The following SMAGP variants were observed in gnomAD, a reference collection of about 807,000 sequenced individuals.
SMAGP encodes the protein small cell transmembrane and glycosylated protein.
SMAGP carries 7 observed loss-of-function variants against 10.1 expected under a neutral mutation model. That is an observed-to-expected ratio of 0.70 (90% CI 0.40 to 1.31). SMAGP has a LOEUF of 1.31. Ranked by LOEUF, SMAGP falls within the 50% of genes most tolerant of loss-of-function variation. The probability of loss-of-function intolerance (pLI) is 0.01; values close to 1 mark genes in which losing one functional copy is unlikely to be tolerated. For missense variants in SMAGP, 113 were observed against 116.5 expected, an observed-to-expected ratio of 0.97 and a Z score of 0.14; for synonymous variants, 49 against 47.2, an observed-to-expected ratio of 1.04 and a Z score of -0.16.
intron 3 of SMAGP, chr12:51,246,399 G>A (rs1944770169): frequency 4.2e-6 from 2 of 473,096 alleles, no homozygotes; most frequent in Non-Finnish European, 7.5e-6. Flanking sequence ...GAAACGGGAA[G>A]GAGGGAACAG....
In SMAGP at chr12:51,245,380, A is replaced by G. The variant is rs1944753323; in HGVS notation, c.*561T>C. On this transcript the variant is annotated 3_prime_UTR_variant, in exon 4 of 4. Coordinates refer to ENST00000603798, the MANE Select transcript of SMAGP (RefSeq NM_001031628.2). ...TGTAGCAATGAAAATTTTTAATTTG[A>G]ATAAAAATCACGTAAGCATGAGGTT... 1 of 152,718 alleles carries G rather than the reference A, an allele frequency of 6.5e-6. No individual in the cohort carries two copies. Among genetic ancestry groups the G allele is most frequent in the South Asian group, 2.1e-4 (1 of 4,830 alleles). The allele number at this position is 152,718 out of a possible 1,614,324, so 9.5% of individuals were successfully genotyped here. A position where few individuals can be genotyped will look rare whatever the true frequency, so the allele number is the denominator to read the frequency against.
intron 2 of SMAGP, among the ~76,000 whole-genome samples, chr12:51,264,221 T>C (rs890019098): frequency 1.3e-5 from 2 of 152,304 alleles, no homozygotes; most frequent in African/African-American, 4.8e-5. Context: ...AAGTATAAGC[T>C]TTCTTCCTAT....
chr12:51,249,868 C>T (rs146577155), intron 2 of SMAGP, among the ~76,000 whole-genome samples: 4,991 of 151,890 alleles, frequency 0.033, 298 homozygotes, highest in African/African-American at 0.11. Flanking sequence ...CCACCTGCCT[C>T]GGCCTCCCAA....
At chr12:51,261,011 G>A (rs1460901215) in intron 2 of SMAGP, among the ~76,000 whole-genome samples, 1 of 149,940 alleles carries the variant, frequency 6.7e-6, no homozygotes, top group African/African-American at 2.5e-5. Flanking sequence ...GGCTGGTCTC[G>A]AACTCCTGAT....
chr12:51,248,866 A>G (rs1163639562), intron 2 of SMAGP, among the ~76,000 whole-genome samples: 1 of 148,552 alleles, frequency 6.7e-6, no homozygotes, highest in Non-Finnish European at 1.5e-5. Context: ...AGCCTGGGAA[A>G]CATGGCGAAA....
chr12:51,267,496 CTTTTTTT>C (rs5798165), intron 2 of SMAGP, among the ~76,000 whole-genome samples: 1 of 93,406 alleles, frequency 1.1e-5, no homozygotes, highest in African/African-American at 3.8e-5. Flanking sequence ...CCCCCTAACT[CTTTTTTT>C]TTTTTTTTAA....
At chr12:51,250,501 T>G (rs965954688) in intron 2 of SMAGP, among the ~76,000 whole-genome samples, 33 of 71,790 alleles carry the variant, frequency 4.6e-4, no homozygotes, top group African/African-American at 1.1e-3. Context: ...TGTTGTTGTG[T>G]TTTTTTTTTG....
intron 2 of SMAGP, among the ~76,000 whole-genome samples, chr12:51,262,323 T>A (rs979441217): frequency 1.3e-5 from 2 of 150,444 alleles, no homozygotes; most frequent in African/African-American, 4.9e-5. Flanking sequence ...CTACAAAAAA[T>A]ACAAAAATTA....
At position 51,246,604 on chromosome 12, in the gene SMAGP, CTGTGTGTGTGTGTGTGTGTG is replaced by C. The variant is rs59561227; in HGVS notation, c.115+127_115+146del. 648 of 338,210 alleles carry C rather than the reference CTGTGTGTGTGTGTGTGTGTG, an allele frequency of 1.9e-3. 2 individuals carry two copies. The highest frequency in any genetic ancestry group is 2.5e-3 in the Non-Finnish European group (493 of 193,614). The allele number at this position is 338,210 out of a possible 1,614,324, so 21.0% of individuals were successfully genotyped here. ...ACAGAAGCCTCCGAGTCTTTTATGG[CTGTGTGTGTGTGTGTGTGTG>C]TGTGTGTGTGTGTGTAATATAACTT... On this transcript the variant is annotated intron_variant, in intron 3 of 3. Coordinates refer to ENST00000603798, the MANE Select transcript of SMAGP (RefSeq NM_001031628.2).
At chr12:51,246,630 G>GTGTT (rs1375633773) in intron 3 of SMAGP, 121 bp downstream of exon 3, 26 of 609,284 alleles carry the variant, frequency 4.3e-5, no homozygotes, top group Non-Finnish European at 5.3e-5. Flanking sequence ...GTGTGTGTGT[G>GTGTT]TGTGTGTGTA....
chr12:51,264,930 G>A (rs530491961), intron 2 of SMAGP, among the ~76,000 whole-genome samples: 183 of 129,194 alleles, frequency 1.4e-3, no homozygotes, highest in African/African-American at 5.1e-3. Context: ...AGACTCCATC[G>A]CCAGAAAAAA....
intron 2 of SMAGP, among the ~76,000 whole-genome samples, chr12:51,259,600 A>T (rs1052152080): frequency 2.3e-5 from 3 of 128,776 alleles, no homozygotes; most frequent in African/African-American, 7.9e-5. Context: ...TAGCAACATC[A>T]TATATAAAGT....
At chr12:51,248,903 A>C (rs1462869298) in intron 2 of SMAGP, among the ~76,000 whole-genome samples, 6 of 7,950 alleles carry the variant, frequency 7.5e-4, no homozygotes, top group Admixed American at 4.2e-3. Context: ...AATACCACAA[A>C]AAAAAAAAAA....
chr12:51,260,170 G>A (rs1172337532), intron 2 of SMAGP, among the ~76,000 whole-genome samples: 1 of 150,176 alleles, frequency 6.7e-6, no homozygotes, highest in Non-Finnish European at 1.5e-5. Flanking sequence ...TTTGTACCAC[G>A]CCTAGACTGC....
chr12:51,248,913 A>T (rs1307843342), intron 2 of SMAGP, among the ~76,000 whole-genome samples: 1 of 34,164 alleles, frequency 2.9e-5, no homozygotes. Flanking sequence ...AAAAAAAAAA[A>T]AAAAAAAAAA....
intron 2 of SMAGP, among the ~76,000 whole-genome samples, chr12:51,258,306 G>T (rs775899214): frequency 6.6e-6 from 1 of 152,226 alleles, no homozygotes; most frequent in Non-Finnish European, 1.5e-5. Context: ...TACAGGCCGG[G>T]CACAGTGGTG....
chr12:51,264,494 T>C (rs1223707906), intron 2 of SMAGP, among the ~76,000 whole-genome samples: 2 of 152,072 alleles, frequency 1.3e-5, no homozygotes, highest in Non-Finnish European at 2.9e-5. Flanking sequence ...GGCGTGATGG[T>C]GCACGCCTGC....
chr12:51,246,604 CTGTGTGTGTGTGTGTGTGTGTG>C (rs59561227), intron 3 of SMAGP, 125 bp downstream of exon 3: 23 of 338,216 alleles, frequency 6.8e-5, no homozygotes, highest in African/African-American at 3.7e-4. Flanking sequence ...TCTTTTATGG[CTGTGTGTGTGTGTGTGTGTGTG>C]TGTGTGTGTG....
chr12:51,248,440 T>A (rs143821065), intron 2 of SMAGP, among the ~76,000 whole-genome samples: 6,560 of 34,832 alleles, frequency 0.19, 136 homozygotes, highest in South Asian at 0.29. Context: ...ACACACTCTC[T>A]CTCTCTCTCT....
Sources: allele counts gnomAD v4.1 joint callset (sites outside exome capture counted in the v4.1 genomes callset), GRCh38; gene constraint gnomAD v4.1.1; transcripts MANE v1.5; gene names NCBI Gene and HGNC (gene_info 2026-07-23, HGNC 2026-07-21).